HCN1: variants seen among roughly 807,000 people sequenced by gnomAD.
The protein encoded by HCN1 is potassium/sodium hyperpolarization-activated cyclic nucleotide-gated channel 1.
In HCN1, 13 loss-of-function variants were observed where a neutral mutation model predicts 78.9. The observed-to-expected ratio is 0.16, with a 90% confidence interval of 0.11 to 0.26. The LOEUF (loss-of-function observed/expected upper bound fraction) is 0.26, where lower values mean the gene tolerates loss of function less well. Ranked by LOEUF, HCN1 falls within the 10% of genes least tolerant of loss-of-function variation. The pLI, the probability that HCN1 is intolerant of heterozygous loss-of-function variation, is 1.00. For missense variants in HCN1, 810 were observed against 1,154.3 expected (o/e 0.70, Z 4.32); for synonymous variants, 552 against 455.5 (o/e 1.21, Z -2.70).
intron 7 of HCN1, 149 bp downstream of exon 7, chr5:45,266,940 C>T (rs886612966): frequency 2.9e-6 from 2 of 698,632 alleles, no homozygotes; most frequent in Non-Finnish European, 5.2e-6. Context: ...AACTCCTGAC[C>T]TCAAATGATC....
At chr5:45,373,968 C>T (rs1334893366) in intron 4 of HCN1, among the ~76,000 whole-genome samples, 2 of 78,236 alleles carry the variant, frequency 2.6e-5, no homozygotes, top group African/African-American at 4.9e-5. Context: ...TAATATATTA[C>T]ATACAGTAGA....
intron 1 of HCN1, among the ~76,000 whole-genome samples, chr5:45,665,017 T>C (rs1297029353): frequency 6.6e-6 from 1 of 151,520 alleles, no homozygotes. Flanking sequence ...ATTGTGGCAC[T>C]ATTCACAATA....
intron 2 of HCN1, among the ~76,000 whole-genome samples, chr5:45,613,586 C>A (rs1407558957): frequency 6.6e-6 from 1 of 151,766 alleles, no homozygotes; most frequent in Admixed American, 6.6e-5. Context: ...ACTGGAAATA[C>A]CATTTGACCC....
At chr5:45,373,767 T>A (rs1229146986) in intron 4 of HCN1, among the ~76,000 whole-genome samples, 1 of 123,266 alleles carries the variant, frequency 8.1e-6, no homozygotes, top group Non-Finnish European at 1.6e-5. Context: ...ATATACGTCA[T>A]CTATAATATA....
chr5:45,305,116 G>A (rs959515201), intron 5 of HCN1, among the ~76,000 whole-genome samples: 1 of 152,116 alleles, frequency 6.6e-6, no homozygotes, highest in African/African-American at 2.4e-5. Context: ...CTGCTAAGAG[G>A]TGAAAAGAAG....
intron 2 of HCN1, among the ~76,000 whole-genome samples, chr5:45,633,844 C>A (rs1471222174): frequency 6.6e-6 from 1 of 151,880 alleles, no homozygotes; most frequent in Non-Finnish European, 1.5e-5. Flanking sequence ...CAGAGTTCTT[C>A]AAAAATTGCA....
At chr5:45,365,609 G>T (rs1327486315) in intron 4 of HCN1, among the ~76,000 whole-genome samples, 1 of 151,774 alleles carries the variant, frequency 6.6e-6, no homozygotes, top group East Asian at 1.9e-4. Flanking sequence ...ACTTATGTTG[G>T]TTCCATGATT....
intron 6 of HCN1, among the ~76,000 whole-genome samples, chr5:45,294,303 T>C (rs1000982323): frequency 6.6e-6 from 1 of 152,016 alleles, no homozygotes; most frequent in African/African-American, 2.4e-5. Context: ...ATTTTGGTCA[T>C]AAAAATCCTA....
intron 6 of HCN1, among the ~76,000 whole-genome samples, chr5:45,299,547 T>C (rs1357380507): frequency 1.3e-5 from 2 of 151,976 alleles, no homozygotes; most frequent in East Asian, 1.9e-4. Flanking sequence ...GTTTTTGGCA[T>C]TGGCATCAAA....
intron 4 of HCN1, among the ~76,000 whole-genome samples, chr5:45,375,495 T>TATATAAGATCATATTTTATGATACATATG (rs1747609808): frequency 8.0e-4 from 43 of 53,806 alleles, no homozygotes; most frequent in Non-Finnish European, 1.0e-3. Flanking sequence ...TGATACATAT[T>TATATAAGATCATATTTTATGATACATATG]ATATATAAGA....
intron 5 of HCN1, among the ~76,000 whole-genome samples, chr5:45,315,203 T>C (rs962774548): frequency 1.3e-5 from 2 of 152,156 alleles, no homozygotes; most frequent in African/African-American, 4.8e-5. Flanking sequence ...ACAGAAATTA[T>C]AACAAACTGT....
At chr5:45,314,736 A>G (rs1745941118) in intron 5 of HCN1, among the ~76,000 whole-genome samples, 1 of 152,302 alleles carries the variant, frequency 6.6e-6, no homozygotes, top group South Asian at 2.1e-4. Context: ...AAGCAAATAG[A>G]AAACAAAAAA....
At chr5:45,342,219 C>T (rs942296883) in intron 5 of HCN1, among the ~76,000 whole-genome samples, 1 of 150,320 alleles carries the variant, frequency 6.7e-6, no homozygotes, top group South Asian at 2.1e-4. Context: ...TTTTTGAAAT[C>T]TTTTCATATA....
chr5:45,484,525 C>T (rs1741721083), intron 2 of HCN1, among the ~76,000 whole-genome samples: 1 of 152,088 alleles, frequency 6.6e-6, no homozygotes, highest in African/African-American at 2.4e-5. Context: ...AGAGGGGGTC[C>T]CCTTGCCCTC....
chr5:45,286,283 A>G (rs1230767932), intron 6 of HCN1, among the ~76,000 whole-genome samples: 7 of 152,002 alleles, frequency 4.6e-5, no homozygotes, highest in Admixed American at 3.9e-4. Flanking sequence ...ATAATAGTAC[A>G]TGCACAACTA....
chr5:45,366,843 T>C (rs1280015496), intron 4 of HCN1, among the ~76,000 whole-genome samples: 4 of 151,780 alleles, frequency 2.6e-5, no homozygotes, highest in Non-Finnish European at 4.4e-5. Flanking sequence ...TGATTTTCTT[T>C]ACATTCATAA....
At chr5:45,533,612 A>G (rs1742903896) in intron 2 of HCN1, among the ~76,000 whole-genome samples, 1 of 152,166 alleles carries the variant, frequency 6.6e-6, no homozygotes. Flanking sequence ...TAAGAAATAG[A>G]AAGTGTTTTT....
intron 2 of HCN1, among the ~76,000 whole-genome samples, chr5:45,549,303 A>G (rs1350661359): frequency 1.3e-5 from 2 of 152,198 alleles, no homozygotes; most frequent in Non-Finnish European, 2.9e-5. Context: ...ACAGAGATAT[A>G]GACCAATGGA....
At chr5:45,507,561 C>A (rs930303160) in intron 2 of HCN1, among the ~76,000 whole-genome samples, 1 of 152,040 alleles carries the variant, frequency 6.6e-6, no homozygotes, top group Non-Finnish European at 1.5e-5. Context: ...ACAGCTTCAC[C>A]AAAGATACAA....
Sources: gnomAD v4.1 joint callset for allele counts (sites outside exome capture counted in the v4.1 genomes callset) on GRCh38, gnomAD v4.1.1 for gene constraint, MANE v1.5 for transcripts, NCBI Gene and HGNC (gene_info 2026-07-23, HGNC 2026-07-21) for gene names.